Variants in LSAMP observed in about 807,000 individuals in gnomAD.
LSAMP encodes the protein limbic system-associated membrane protein.
LSAMP carries 7 observed loss-of-function variants against 38.6 expected under a neutral mutation model. The ratio of observed to expected loss-of-function variants is 0.18; its 90% CI spans 0.10 to 0.34. The LOEUF (loss-of-function observed/expected upper bound fraction) is 0.34, where lower values mean the gene tolerates loss of function less well. LSAMP is among the 10% of genes least tolerant of loss of function. The probability of loss-of-function intolerance (pLI) is 1.00; values close to 1 mark genes in which losing one functional copy is unlikely to be tolerated. For synonymous variants in LSAMP, 154 were observed against 166.8 expected, an observed-to-expected ratio of 0.92 and a Z score of 0.59; for missense variants, 313 against 420.0, an observed-to-expected ratio of 0.75 and a Z score of 2.23.
rs1186158681 is a variant in LSAMP, at chr3:116,444,803, C to CACACAA, written c.155+73_155+74insTTGTGT. On this transcript the variant is annotated intron_variant, in intron 1 of 6. Transcript: ENST00000490035. Reference sequence around the variant, plus strand: ...AGGAGATCAGACACACACACACACACACACACAAACACACACACACACACA... The same window carrying CACACAA: ...AGGAGATCAGACACACACACACACACACACAAACACACAAACACACACACACACACA... 22 of 1,511,864 alleles carry CACACAA rather than the reference C, an allele frequency of 1.5e-5. No individual in the cohort carries two copies. The African/African-American group carries it at 3.8e-4, about 26-fold the overall frequency. The allele number at this position is 1,511,864 out of a possible 1,614,324, so 93.7% of individuals were successfully genotyped here.
intron 1 of LSAMP, among the ~76,000 whole-genome samples, chr3:116,410,102 G>A (rs972277457): frequency 2.6e-5 from 4 of 152,054 alleles, no homozygotes; most frequent in Admixed American, 2.6e-4. Flanking sequence ...TTTTCATTAT[G>A]AGGATACAAT....
chr3:115,928,630 C>T (rs1655847869), intron 3 of LSAMP, among the ~76,000 whole-genome samples: 1 of 152,026 alleles, frequency 6.6e-6, no homozygotes, highest in African/African-American at 2.4e-5. Context: ...GATTTATTTC[C>T]CAGTGAAATG....
intron 2 of LSAMP, among the ~76,000 whole-genome samples, chr3:116,075,138 AT>A (rs71297430): frequency 2.5e-3 from 290 of 118,240 alleles, no homozygotes; most frequent in Middle Eastern, 0.022. Context: ...GCACCCAGCC[AT>A]TTTTTTTTTT....
chr3:116,201,131 C>T (rs1021404502), intron 1 of LSAMP, among the ~76,000 whole-genome samples: 3 of 152,134 alleles, frequency 2.0e-5, no homozygotes, highest in East Asian at 1.9e-4. Flanking sequence ...AGTCCCTCCC[C>T]GCTGTACCTC....
At chr3:116,276,878 C>T (rs1310410716) in intron 1 of LSAMP, among the ~76,000 whole-genome samples, 1 of 152,080 alleles carries the variant, frequency 6.6e-6, no homozygotes, top group African/African-American at 2.4e-5. Context: ...ACTGAATGGA[C>T]CAATTAACAA....
intron 1 of LSAMP, among the ~76,000 whole-genome samples, chr3:116,372,147 C>T (rs758101781): frequency 6.6e-6 from 1 of 152,006 alleles, no homozygotes; most frequent in Non-Finnish European, 1.5e-5. Flanking sequence ...ATCCCAATGA[C>T]ATTTTTTGCA....
intron 3 of LSAMP, among the ~76,000 whole-genome samples, chr3:115,967,713 T>A (rs1377094401): frequency 1.3e-5 from 2 of 152,160 alleles, no homozygotes. Context: ...TCACATTTTA[T>A]GTGGATGGCA....
At chr3:116,267,329 G>C (rs1208609967) in intron 1 of LSAMP, among the ~76,000 whole-genome samples, 1 of 152,122 alleles carries the variant, frequency 6.6e-6, no homozygotes, top group East Asian at 1.9e-4. Flanking sequence ...TACTTAACTT[G>C]AAGTATGGAA....
At chr3:116,391,335 C>G (rs1241746542) in intron 1 of LSAMP, among the ~76,000 whole-genome samples, 1 of 151,914 alleles carries the variant, frequency 6.6e-6, no homozygotes, top group Non-Finnish European at 1.5e-5. Context: ...GCTGACTGCG[C>G]TGTCCCACCC....
chr3:115,804,216 G>C lies in LSAMP; in HGVS notation c.*6101C>G, dbSNP rs1313026854. On this transcript the variant is annotated 3_prime_UTR_variant, in exon 7 of 7. Coordinates refer to ENST00000490035, the MANE Select transcript of LSAMP (RefSeq NM_002338.5). The stretch of plus-strand genomic sequence containing the variant: ...TTCTGAGAAGTGATGAGAATACAGA[G>C]ACCAAACTAGAGATAACAAACAGCT... 1.3e-5 allele frequency: 2 copies of C among 152,216 alleles called. No homozygotes were observed. 9.4% of individuals were successfully genotyped at this position (152,216 alleles called of 1,614,324 possible).
At chr3:115,858,242 A>T (rs1935570310) in intron 3 of LSAMP, among the ~76,000 whole-genome samples, 2 of 151,830 alleles carry the variant, frequency 1.3e-5, no homozygotes, top group South Asian at 2.1e-4. Context: ...CAGCACACAC[A>T]TTTCCTCACC....
intron 1 of LSAMP, among the ~76,000 whole-genome samples, chr3:116,149,774 T>C (rs181654189): frequency 1.2e-4 from 19 of 152,116 alleles, no homozygotes; most frequent in Admixed American, 1.2e-3. Context: ...GTACTTCTTT[T>C]TTGATGGAGC....
chr3:116,416,006 T>C (rs2049045029), intron 1 of LSAMP, among the ~76,000 whole-genome samples: 1 of 152,194 alleles, frequency 6.6e-6, no homozygotes, highest in African/African-American at 2.4e-5. Context: ...GGCTTCACTG[T>C]ATATTCTTGC....
chr3:116,339,259 A>G (rs67713512), intron 1 of LSAMP, among the ~76,000 whole-genome samples: 10,451 of 151,314 alleles, frequency 0.069, 711 homozygotes, highest in East Asian at 0.29. Context: ...GAAACTACAT[A>G]TTCCTGTACT....
At position 116,207,566 on chromosome 3, in the gene LSAMP, C is replaced by T. The variant is rs370935313; in HGVS notation, c.156-121010G>A. ...CCCGGTTGTTCCTTTCCATGTTTAG[C>T]GCTTCCTTCAGGAGCTCTTTTAGGG... is the stretch of plus-strand genomic sequence containing the variant. On this transcript the variant is annotated intron_variant, in intron 1 of 6. Coordinates refer to ENST00000490035, the MANE Select transcript of LSAMP (RefSeq NM_002338.5). Among the ~76,000 whole-genome samples, 41 of 151,452 alleles carry T rather than the reference C, an allele frequency of 2.7e-4. No individual in the cohort carries two copies. In the East Asian group the frequency reaches 3.5e-3, roughly 13 times the overall value.
intron 1 of LSAMP, among the ~76,000 whole-genome samples, chr3:116,284,729 C>G (rs2047171776): frequency 6.6e-6 from 1 of 152,202 alleles, no homozygotes; most frequent in Non-Finnish European, 1.5e-5. Flanking sequence ...ACTTCTATCT[C>G]ATGGGCTCTC....
chr3:116,149,886 T>C (rs1212982089), intron 1 of LSAMP, among the ~76,000 whole-genome samples: 5 of 152,046 alleles, frequency 3.3e-5, no homozygotes, highest in Non-Finnish European at 5.9e-5. Flanking sequence ...ACACCCCTTG[T>C]ATATCCTTAC....
intron 3 of LSAMP, among the ~76,000 whole-genome samples, chr3:115,927,761 G>A (rs1374506345): frequency 2.6e-5 from 4 of 152,072 alleles, no homozygotes; most frequent in African/African-American, 2.4e-5. Flanking sequence ...CCAGAAGGCC[G>A]CCTGGCCCCT....
At chr3:116,250,081 T>C (rs879906001) in intron 1 of LSAMP, among the ~76,000 whole-genome samples, 4 of 152,192 alleles carry the variant, frequency 2.6e-5, no homozygotes, top group African/African-American at 4.8e-5. Context: ...AATCCAGATC[T>C]TAACATTATG....
Sources: allele counts gnomAD v4.1 joint callset (sites outside exome capture counted in the v4.1 genomes callset), GRCh38; gene constraint gnomAD v4.1.1; transcripts MANE v1.5; gene names NCBI Gene and HGNC (gene_info 2026-07-23, HGNC 2026-07-21).